Variants in ST6GAL2 observed in about 807,000 individuals in gnomAD.
The protein encoded by ST6GAL2 is ST6 beta-galactoside alpha-2,6-sialyltransferase 2, also known as beta-galactoside alpha-2,6-sialyltransferase 2.
Under a neutral mutation model 37.5 loss-of-function variants are expected in ST6GAL2, and 24 were observed. That is an observed-to-expected ratio of 0.64 (90% CI 0.46 to 0.90). The LOEUF is 0.90. Among genes scored for constraint, ST6GAL2 ranks in the 40% least tolerant of loss-of-function variants. The pLI, the probability that ST6GAL2 is intolerant of heterozygous loss-of-function variation, is 0.00. For missense variants in ST6GAL2, 715 were observed against 712.7 expected, an observed-to-expected ratio of 1.00 and a Z score of -0.04; for synonymous variants, 306 against 295.1, an observed-to-expected ratio of 1.04 and a Z score of -0.38.
At chr2:106,845,355 C>T (rs1202632790) in intron 1 of ST6GAL2, among the ~76,000 whole-genome samples, 1 of 152,164 alleles carries the variant, frequency 6.6e-6, no homozygotes, top group Non-Finnish European at 1.5e-5. Flanking sequence ...GCATTGGTTC[C>T]ATGGGCTTTC....
chr2:106,828,467 T>C (rs538577586), intron 5 of ST6GAL2, among the ~76,000 whole-genome samples: 6 of 152,120 alleles, frequency 3.9e-5, no homozygotes, highest in African/African-American at 1.2e-4. Context: ...AAGGCATGAG[T>C]TTAAAAGGGA....
chr2:106,821,111 A>G (rs1011755087), intron 5 of ST6GAL2, among the ~76,000 whole-genome samples: 1 of 151,966 alleles, frequency 6.6e-6, no homozygotes, highest in Admixed American at 6.5e-5. Context: ...AGAGCAAACC[A>G]AAACCAAAAT....
rs977904465 is a variant in ST6GAL2, at chr2:106,884,875, T to C, written c.-58+1218A>G. On this transcript the variant is annotated intron_variant, in intron 1 of 5. Transcript: ENST00000409382. The stretch of plus-strand genomic sequence containing the variant: ...CAAGGCCACACATCAGTTTTCCTTT[T>C]AAAAAAAGTTTTAACCCTAAATTTG... Among the ~76,000 whole-genome samples the C allele has an allele frequency of 2.8e-5, 4 of 141,386 alleles. No individual in the cohort carries two copies. In the Admixed American group the frequency reaches 2.9e-4, roughly 10 times the overall value. The allele number at this position is 141,386 out of a possible 152,430, so 92.8% of individuals were successfully genotyped here.
At chr2:106,830,314 A>T (rs1676370840) in intron 4 of ST6GAL2, 74 bp from the exon 5 acceptor site, 1 of 1,341,520 alleles carries the variant, frequency 7.5e-7, no homozygotes. Flanking sequence ...TGGCTGGTTG[A>T]TTTGAGGCAG....
intron 2 of ST6GAL2, among the ~76,000 whole-genome samples, chr2:106,839,467 T>C (rs1573249767): frequency 6.6e-6 from 1 of 152,220 alleles, no homozygotes; most frequent in South Asian, 2.1e-4. Flanking sequence ...GTATGGATAG[T>C]TGAGCCTGTG....
intron 1 of ST6GAL2, among the ~76,000 whole-genome samples, chr2:106,876,857 G>T (rs1037830193): frequency 1.3e-5 from 2 of 152,202 alleles, no homozygotes; most frequent in African/African-American, 4.8e-5. Context: ...GTGCCTTGGA[G>T]GTAGCAGGCG....
intron 1 of ST6GAL2, among the ~76,000 whole-genome samples, chr2:106,847,992 G>A (rs548518628): frequency 4.0e-5 from 6 of 151,890 alleles, no homozygotes; most frequent in East Asian, 3.9e-4. Flanking sequence ...CCTGGATGCC[G>A]GGCAGCCCAA....
chr2:106,865,635 T>C (rs1242171197), intron 1 of ST6GAL2, among the ~76,000 whole-genome samples: 1 of 152,178 alleles, frequency 6.6e-6, no homozygotes, highest in Non-Finnish European at 1.5e-5. Context: ...ACTTTTACCT[T>C]AGGTCCATCC....
At chr2:106,874,498 C>A (rs1375892346) in intron 1 of ST6GAL2, among the ~76,000 whole-genome samples, 2 of 152,042 alleles carry the variant, frequency 1.3e-5, no homozygotes, top group East Asian at 3.9e-4. Flanking sequence ...ACTGGGGAAT[C>A]TAAGGAGAAG....
intron 5 of ST6GAL2, among the ~76,000 whole-genome samples, chr2:106,828,621 C>A (rs997519487): frequency 1.3e-5 from 2 of 152,124 alleles, no homozygotes; most frequent in African/African-American, 4.8e-5. Flanking sequence ...CCTGTGTGTC[C>A]TGAATTCATA....
intron 2 of ST6GAL2, among the ~76,000 whole-genome samples, chr2:106,836,125 A>G (rs1160375510): frequency 1.3e-5 from 2 of 152,150 alleles, no homozygotes; most frequent in African/African-American, 4.8e-5. Flanking sequence ...CTTTTTTTCA[A>G]TTTAAAAAAC....
rs138376053 is a variant in ST6GAL2 at position 106,824,020 on chromosome 2, C to T, written c.1318+6046G>A. On this transcript the variant is annotated intron_variant, in intron 5 of 5. Transcript: ENST00000409382. ...ATTTTACAGGGAGAAACATTCAAGT[C>T]GACCACACCAAATTGCATCTGCCCA... Among the ~76,000 whole-genome samples, 16 of 152,252 alleles carry T rather than the reference C, an allele frequency of 1.1e-4. No individual in the cohort carries two copies. In the East Asian group the frequency reaches 2.9e-3, roughly 28 times the overall value.
chr2:106,884,934 T>TATATAC lies in ST6GAL2; in HGVS notation c.-58+1158_-58+1159insGTATAT, dbSNP rs1425070594. 4.9e-3 allele frequency among the ~76,000 whole-genome samples: 588 copies of TATATAC among 120,394 alleles called. 20 individuals are homozygous for TATATAC. Among genetic ancestry groups the TATATAC allele is most frequent in the South Asian group, 8.8e-3 (34 of 3,878 alleles). 79.0% of individuals were successfully genotyped at this position (120,394 alleles called of 152,430 possible). A position where few individuals can be genotyped will look rare whatever the true frequency, so the allele number is the denominator to read the frequency against. On this transcript the variant is annotated intron_variant, in intron 1 of 5. Transcript: ENST00000409382. ...ATATATATATATATATATATATATA[T>TATATAC]ACATACACACACACACATATATACA...
intron 5 of ST6GAL2, among the ~76,000 whole-genome samples, chr2:106,826,359 G>A (rs2104454342): frequency 6.6e-6 from 1 of 152,180 alleles, no homozygotes; most frequent in Admixed American, 6.5e-5. Flanking sequence ...GTTGAAAGCA[G>A]GGGCAAGAGA....
chr2:106,806,408 TCATACCCATGGTCATA>T lies in ST6GAL2; in HGVS notation c.*254_*269del. The T allele has an allele frequency of 2.5e-6, 1 of 406,890 alleles. No individual in the cohort carries two copies. The highest frequency in any genetic ancestry group is 4.4e-6 in the Non-Finnish European group (1 of 226,150). 25.2% of individuals were successfully genotyped at this position (406,890 alleles called of 1,614,324 possible). ...TAAGTTGTTAACATTTCTGGAGGTA[TCATACCCATGGTCATA>T]CATGTGTTTTCTTTCTAGCTATCCT... On this transcript the variant is annotated 3_prime_UTR_variant, in exon 6 of 6. Transcript: ENST00000409382.
chr2:106,807,166 A>C (rs1206434574), intron 5 of ST6GAL2, among the ~76,000 whole-genome samples: 4 of 152,106 alleles, frequency 2.6e-5, no homozygotes, highest in African/African-American at 7.2e-5. Flanking sequence ...ATATATATAT[A>C]TATCTATTCG....
intron 1 of ST6GAL2, among the ~76,000 whole-genome samples, chr2:106,881,889 A>G (rs1678765806): frequency 1.3e-5 from 2 of 152,194 alleles, no homozygotes; most frequent in South Asian, 4.1e-4. Context: ...ATGTATTTTT[A>G]AATGTCCCAG....
chr2:106,819,222 T>G (rs1041544503), intron 5 of ST6GAL2, among the ~76,000 whole-genome samples: 2 of 151,812 alleles, frequency 1.3e-5, no homozygotes, highest in Non-Finnish European at 2.9e-5. Context: ...CCTAGAGAAA[T>G]ATACCAATAT....
chr2:106,836,633 G>A lies in ST6GAL2; in HGVS notation c.944-2487C>T, dbSNP rs552240023. Among the ~76,000 whole-genome samples, 407 of 151,684 alleles carry A rather than the reference G, an allele frequency of 2.7e-3. 1 individual carries two copies. The highest frequency in any genetic ancestry group is 9.6e-3 in the African/African-American group (399 of 41,352). On this transcript the variant is annotated intron_variant, in intron 2 of 5. Coordinates refer to ENST00000409382, the MANE Select transcript of ST6GAL2 (RefSeq NM_001142351.2). ...AAATAGTGATGCATTTTGTTATAAA[G>A]AGTTGAAACACTGGCTGGGCATGGT...
Sources: gnomAD v4.1 joint callset for allele counts (sites outside exome capture counted in the v4.1 genomes callset) on GRCh38, gnomAD v4.1.1 for gene constraint, MANE v1.5 for transcripts, NCBI Gene and HGNC (gene_info 2026-07-23, HGNC 2026-07-21) for gene names.